MYO16: variants seen among roughly 807,000 people sequenced by gnomAD.
MYO16 encodes unconventional myosin-XVI.
A neutral mutation model predicts 205.3 loss-of-function variants in MYO16; 94 were observed. That is an observed-to-expected ratio of 0.46 (90% CI 0.39 to 0.54). MYO16 has a LOEUF of 0.54. Ranked by LOEUF, MYO16 falls within the 20% of genes least tolerant of loss-of-function variation. MYO16 has a pLI of 0.00. For synonymous variants in MYO16, 988 were observed against 954.0 expected, an observed-to-expected ratio of 1.04 and a Z score of -0.66; for missense variants, 2,315 against 2,387.5, an observed-to-expected ratio of 0.97 and a Z score of 0.63.
chr13:108,630,417 C>T (rs1879927534), intron 1 of MYO16, among the ~76,000 whole-genome samples: 1 of 152,188 alleles, frequency 6.6e-6, no homozygotes, highest in African/African-American at 2.4e-5. Context: ...ACCAAATGCT[C>T]TCCACTGATG....
At chr13:109,099,270 A>C (rs924691406) in intron 27 of MYO16, among the ~76,000 whole-genome samples, 2 of 152,206 alleles carry the variant, frequency 1.3e-5, no homozygotes, top group Non-Finnish European at 1.5e-5. Context: ...CTTTTTATCT[A>C]ACATTATTCT....
At chr13:108,596,706 T>G (rs1878575991) in intron 1 of MYO16, among the ~76,000 whole-genome samples, 2 of 152,252 alleles carry the variant, frequency 1.3e-5, no homozygotes, top group Admixed American at 1.3e-4. Context: ...CAATTAAAAC[T>G]GACACCTTTT....
At chr13:108,983,012 A>C (rs1175545295) in intron 20 of MYO16, among the ~76,000 whole-genome samples, 1 of 152,042 alleles carries the variant, frequency 6.6e-6, no homozygotes, top group Non-Finnish European at 1.5e-5. Context: ...AGAAAAAAAA[A>C]CCTTTTCAAT....
intron 34 of MYO16, among the ~76,000 whole-genome samples, chr13:109,195,522 A>G (rs1244810680): frequency 1.3e-5 from 2 of 151,870 alleles, no homozygotes; most frequent in Non-Finnish European, 1.5e-5. Context: ...GGTTTTATAG[A>G]CTCTGTTTTT....
chr13:108,735,178 A>T (rs1320362879), intron 4 of MYO16, among the ~76,000 whole-genome samples: 1 of 152,088 alleles, frequency 6.6e-6, no homozygotes, highest in Non-Finnish European at 1.5e-5. Context: ...TTTGTTACAT[A>T]TGTATACATG....
At chr13:108,829,854 T>G (rs767058817) in intron 9 of MYO16, among the ~76,000 whole-genome samples, 2 of 152,008 alleles carry the variant, frequency 1.3e-5, no homozygotes, top group Non-Finnish European at 2.9e-5. Context: ...AATCACAACC[T>G]ACTCATCTGA....
At chr13:108,970,533 G>A (rs117533861) in intron 20 of MYO16, among the ~76,000 whole-genome samples, 3 of 152,282 alleles carry the variant, frequency 2.0e-5, no homozygotes, top group East Asian at 1.9e-4. Flanking sequence ...CAAGGCCTGC[G>A]GGGGCAGCTG....
intron 5 of MYO16, among the ~76,000 whole-genome samples, chr13:108,793,032 C>T (rs569974620): frequency 6.6e-6 from 1 of 152,132 alleles, no homozygotes; most frequent in South Asian, 2.1e-4. Flanking sequence ...ACATAACATC[C>T]CAGCACTTTG....
chr13:108,875,574 A>C (rs993614487), intron 12 of MYO16, among the ~76,000 whole-genome samples: 2 of 152,212 alleles, frequency 1.3e-5, no homozygotes, highest in Admixed American at 1.3e-4. Flanking sequence ...GAGAGAGGTT[A>C]TGAGTTTATC....
intron 16 of MYO16, among the ~76,000 whole-genome samples, chr13:108,915,251 G>GA (rs1325194248): frequency 6.6e-6 from 1 of 151,996 alleles, no homozygotes; most frequent in Non-Finnish European, 1.5e-5. Flanking sequence ...AAAACAACAA[G>GA]AAAAAAAGTC....
intron 5 of MYO16, among the ~76,000 whole-genome samples, chr13:108,789,868 T>C (rs908934523): frequency 2.0e-5 from 3 of 152,166 alleles, no homozygotes; most frequent in African/African-American, 7.2e-5. Flanking sequence ...CAAATGATGA[T>C]ACAATGGCAT....
intron 4 of MYO16, among the ~76,000 whole-genome samples, chr13:108,737,912 GTTTA>G (rs1884762564): frequency 6.6e-6 from 1 of 152,164 alleles, no homozygotes; most frequent in Non-Finnish European, 1.5e-5. Flanking sequence ...AGATTTTCTA[GTTTA>G]TTTGTGTAGA....
intron 1 of MYO16, among the ~76,000 whole-genome samples, chr13:108,604,642 G>A (rs943540081): frequency 1.3e-5 from 2 of 152,116 alleles, no homozygotes; most frequent in Non-Finnish European, 2.9e-5. Context: ...ATAAATTCAG[G>A]TCCTGGATTC....
At chr13:109,151,083 T>A (rs1164793496) in intron 32 of MYO16, among the ~76,000 whole-genome samples, 1 of 152,216 alleles carries the variant, frequency 6.6e-6, no homozygotes, top group African/African-American at 2.4e-5. Flanking sequence ...GAGAAAAACC[T>A]ATTTCCCAAT....
intron 2 of MYO16, among the ~76,000 whole-genome samples, chr13:108,700,017 T>A (rs1334357112): frequency 1.3e-5 from 2 of 151,968 alleles, no homozygotes; most frequent in African/African-American, 4.8e-5. Flanking sequence ...TGGAGATTAA[T>A]CAAAGGCTTC....
intron 4 of MYO16, chr13:108,779,745 G>A (rs1886239475): frequency 6.6e-6 from 1 of 152,214 alleles, no homozygotes; most frequent in Non-Finnish European, 1.5e-5. Flanking sequence ...GTGACAAGGA[G>A]ACCTGGGGCT....
chr13:108,683,717 A>C (rs1438033745), intron 2 of MYO16, among the ~76,000 whole-genome samples: 1 of 152,230 alleles, frequency 6.6e-6, no homozygotes, highest in African/African-American at 2.4e-5. Flanking sequence ...TCACAAACAC[A>C]ATTTTACATC....
At chr13:108,622,779 A>G (rs552247570) in intron 1 of MYO16, among the ~76,000 whole-genome samples, 5 of 152,240 alleles carry the variant, frequency 3.3e-5, no homozygotes, top group Admixed American at 2.0e-4. Context: ...ATCATGAATC[A>G]GAGACATGGA....
chr13:108,915,273 A>G (rs1195925853), intron 16 of MYO16, among the ~76,000 whole-genome samples: 2 of 152,336 alleles, frequency 1.3e-5, no homozygotes, highest in African/African-American at 2.4e-5. Context: ...GTAGGTTTCT[A>G]TATTTTGAGC....
Sources: allele counts gnomAD v4.1 joint callset (sites outside exome capture counted in the v4.1 genomes callset), GRCh38; gene constraint gnomAD v4.1.1; transcripts MANE v1.5; gene names NCBI Gene and HGNC (gene_info 2026-07-23, HGNC 2026-07-21).